Variants in HEATR5B observed in about 807,000 individuals in gnomAD.
HEATR5B encodes the protein HEAT repeat containing 5B.
In HEATR5B, 156 loss-of-function variants were observed where a neutral mutation model predicts 224.1. The ratio of observed to expected loss-of-function variants is 0.70; its 90% CI spans 0.61 to 0.80. The LOEUF (loss-of-function observed/expected upper bound fraction) is 0.80. HEATR5B is among the 30% of genes least tolerant of loss of function. The pLI is 0.00. For synonymous variants in HEATR5B, 1,027 were observed against 893.0 expected, an observed-to-expected ratio of 1.15 and a Z score of -2.68; for missense variants, 2,323 against 2,535.5, an observed-to-expected ratio of 0.92 and a Z score of 1.80.
chr2:37,050,399 C>T (rs560099350), intron 17 of HEATR5B, among the ~76,000 whole-genome samples: 14 of 152,162 alleles, frequency 9.2e-5, no homozygotes, highest in African/African-American at 3.1e-4. Flanking sequence ...GAGACACTTG[C>T]GGGGAGTGTC....
Position 37,079,425 on chromosome 2 carries a change from T to C in HEATR5B, c.127-94A>G, listed in dbSNP as rs181738647. The C allele has an allele frequency of 4.8e-6, 3 of 622,986 alleles. No homozygotes were observed. The East Asian group carries it at 8.4e-5, about 17-fold the overall frequency. 38.6% of individuals were successfully genotyped at this position (622,986 alleles called of 1,614,324 possible). ...AAAACACTTAACACTTAAGGCACTC[T>C]AATAATTAAAAATCTATATTGTATT... On this transcript the variant is annotated intron_variant, in intron 2 of 35. Coordinates refer to ENST00000233099, the MANE Select transcript of HEATR5B (RefSeq NM_019024.3).
At chr2:37,030,874 C>T (rs963174731) in intron 22 of HEATR5B, among the ~76,000 whole-genome samples, 12 of 152,298 alleles carry the variant, frequency 7.9e-5, no homozygotes, top group Non-Finnish European at 1.5e-4. Flanking sequence ...TAGCCCTTGG[C>T]TAGCATCTGG....
chr2:37,010,964 A>T (rs1667748742), intron 27 of HEATR5B, among the ~76,000 whole-genome samples: 2 of 152,114 alleles, frequency 1.3e-5, no homozygotes, highest in Admixed American at 1.3e-4. Context: ...TCACAGGCTA[A>T]TATTACAATG....
chr2:36,987,604 A>G (rs139736498), intron 35 of HEATR5B, among the ~76,000 whole-genome samples: 369 of 152,308 alleles, frequency 2.4e-3, no homozygotes, highest in African/African-American at 7.8e-3. Flanking sequence ...ATTAAACTGC[A>G]TAAGTTTCTG....
At chr2:37,009,543 T>A (rs1024985025) in intron 27 of HEATR5B, among the ~76,000 whole-genome samples, 2 of 151,880 alleles carry the variant, frequency 1.3e-5, no homozygotes, top group Admixed American at 6.6e-5. Flanking sequence ...TGCCACTGCA[T>A]TCCAGCCTGG....
intron 30 of HEATR5B, among the ~76,000 whole-genome samples, chr2:37,005,242 G>A (rs1032177119): frequency 6.6e-6 from 1 of 152,082 alleles, no homozygotes; most frequent in African/African-American, 2.4e-5. Context: ...AACCCGTCCC[G>A]CATGTGTTGC....
At chr2:37,067,998 T>G (rs1000900466) in intron 8 of HEATR5B, among the ~76,000 whole-genome samples, 1 of 152,122 alleles carries the variant, frequency 6.6e-6, no homozygotes. Context: ...AAATAGTGAA[T>G]AATAGTGAAA....
chr2:37,083,978 A>C (rs148293899), intron 1 of HEATR5B, among the ~76,000 whole-genome samples: 3 of 152,132 alleles, frequency 2.0e-5, no homozygotes, highest in Admixed American at 2.0e-4. Context: ...GTCAGTGACA[A>C]CACCAGGCGG....
intron 8 of HEATR5B, among the ~76,000 whole-genome samples, chr2:37,067,667 G>T (rs780406523): frequency 1.3e-5 from 2 of 152,144 alleles, no homozygotes; most frequent in Non-Finnish European, 2.9e-5. Flanking sequence ...GCTGACTCAG[G>T]AGGGTGAGGC....
chr2:37,023,569 G>A (rs980181473), intron 24 of HEATR5B, among the ~76,000 whole-genome samples: 2 of 152,110 alleles, frequency 1.3e-5, no homozygotes, highest in African/African-American at 4.8e-5. Context: ...AGGAGTTTGA[G>A]ACCAGCCTGG....
At chr2:37,082,119 G>A (rs114186412) in intron 2 of HEATR5B, among the ~76,000 whole-genome samples, 1,400 of 131,326 alleles carry the variant, frequency 0.011, 31 homozygotes, top group African/African-American at 0.038. Flanking sequence ...CCCCGGGCTG[G>A]AGTGCATTAG....
At chr2:37,068,570 T>C in intron 8 of HEATR5B, 111 bp downstream of exon 8, 1 of 1,185,322 alleles carries the variant, frequency 8.4e-7, no homozygotes, top group Non-Finnish European at 1.2e-6. Flanking sequence ...AAAATCACTA[T>C]GAAAACACAC....
intron 24 of HEATR5B, among the ~76,000 whole-genome samples, chr2:37,022,294 T>A (rs959076196): frequency 3.3e-5 from 5 of 152,118 alleles, no homozygotes; most frequent in Non-Finnish European, 5.9e-5. Flanking sequence ...TTCTCCTGCC[T>A]CAGCCTCCCA....
chr2:37,028,890 G>A lies in HEATR5B; in HGVS notation c.3392C>T (p.Ser1131Phe). Residue 1131 changes from serine (S) to phenylalanine (F), a missense_variant, in exon 23 of 36, where the codon TCT (serine) becomes TTT (phenylalanine). Ser to Phe is a radical substitution (Grantham distance 155). Transcript: ENST00000233099. ...GTGCCGGCAATGGATATCAGTTCGAGAACTAACCCCAGGGGCAAAAGGACT... is the reference window on the plus strand; with the variant it reads ...GTGCCGGCAATGGATATCAGTTCGAAAACTAACCCCAGGGGCAAAAGGACT... Reference protein sequence around the residue: ...NVSPFAPGVSSRTDIHCRHQG... With the variant: ...NVSPFAPGVSFRTDIHCRHQG... The A allele has an allele frequency of 6.2e-7, 1 of 1,613,932 alleles. No homozygotes were observed. The highest frequency in any genetic ancestry group is 8.5e-7 in the Non-Finnish European group (1 of 1,179,860).
chr2:37,019,523 C>T (rs1668337325), intron 26 of HEATR5B, among the ~76,000 whole-genome samples: 1 of 149,744 alleles, frequency 6.7e-6, no homozygotes, highest in Non-Finnish European at 1.5e-5. Context: ...GTGGCGAAAT[C>T]TTGGGTCATT....
Position 37,002,534 on chromosome 2 carries a change from C to G in HEATR5B, c.5089G>C (p.Gly1697Arg). 1.2e-6 allele frequency: 2 copies of G among 1,614,174 alleles called. No homozygotes were observed. Among genetic ancestry groups the G allele is most frequent in the Non-Finnish European group, 1.7e-6 (2 of 1,180,004 alleles). ...AGACCACCGCTGTCACCTCCTTCTCCCAATACGGTACAGGCCTCTTTTTCC... is the reference window on the plus strand; with the variant it reads ...AGACCACCGCTGTCACCTCCTTCTCGCAATACGGTACAGGCCTCTTTTTCC... ...DMEKEACTVLGEGGDSGGLIP... is the reference protein window; with the variant it reads ...DMEKEACTVLREGGDSGGLIP... Residue 1697 changes from glycine to arginine, a missense_variant, in exon 32 of 36, where the codon GGA (glycine) becomes CGA (arginine). This residue lies in a region of HEATR5B where 844 missense variants were observed against 812.9 expected (regional missense o/e 1.04). Transcript: ENST00000233099.
At chr2:37,079,388 T>C in intron 2 of HEATR5B, 57 bp from the exon 3 acceptor site, 1 of 894,370 alleles carries the variant, frequency 1.1e-6, no homozygotes, top group Non-Finnish European at 1.7e-6. Flanking sequence ...TGTTACCTTT[T>C]AATCAAAATA....
At chr2:37,042,889 C>CA (rs373043531) in intron 18 of HEATR5B, among the ~76,000 whole-genome samples, 7,568 of 79,968 alleles carry the variant, frequency 0.095, 308 homozygotes, top group Middle Eastern at 0.12. Context: ...GACTCTGTCT[C>CA]AAAAAAAAAA....
chr2:37,071,919 G>T (rs530144999), intron 6 of HEATR5B, among the ~76,000 whole-genome samples, 191 bp downstream of exon 6: 1 of 152,070 alleles, frequency 6.6e-6, no homozygotes, highest in African/African-American at 2.4e-5. Flanking sequence ...TCCTGACCTC[G>T]TGATCCACCT....
Sources: gnomAD v4.1 joint callset for allele counts (sites outside exome capture counted in the v4.1 genomes callset) on GRCh38, gnomAD v4.1.1 for gene constraint, gnomAD v4.1.1 regional missense constraint, MANE v1.5 for transcripts, NCBI Gene and HGNC (gene_info 2026-07-23, HGNC 2026-07-21) for gene names.